CSMD1: variants seen among roughly 807,000 people sequenced by gnomAD.
CSMD1 encodes CUB and sushi domain-containing protein 1.
In CSMD1, 213 loss-of-function variants were observed where a neutral mutation model predicts 417.5. The ratio of observed to expected loss-of-function variants is 0.51; its 90% CI spans 0.46 to 0.57. The LOEUF is 0.57. Among genes scored for constraint, CSMD1 ranks in the 20% least tolerant of loss-of-function variants. The probability of loss-of-function intolerance (pLI) is 0.00; values close to 1 mark genes in which losing one functional copy is unlikely to be tolerated. For synonymous variants in CSMD1, 2,862 were observed against 1,736.8 expected (o/e 1.65, Z -16.11); for missense variants, 6,923 against 4,529.7 (o/e 1.53, Z -15.17).
chr8:3,663,073 C>G (rs922128009), intron 7 of CSMD1, among the ~76,000 whole-genome samples: 62 of 152,182 alleles, frequency 4.1e-4, no homozygotes, highest in Middle Eastern at 3.4e-3. Flanking sequence ...CAGATGTCAG[C>G]AAAATCAGAG....
At chr8:4,904,569 T>C (rs994178709) in intron 1 of CSMD1, among the ~76,000 whole-genome samples, 1 of 152,042 alleles carries the variant, frequency 6.6e-6, no homozygotes, top group African/African-American at 2.4e-5. Flanking sequence ...CAGAATATCA[T>C]TAAACACATA....
intron 2 of CSMD1, among the ~76,000 whole-genome samples, chr8:4,596,491 A>T (rs1354253136): frequency 6.6e-6 from 1 of 152,184 alleles, no homozygotes; most frequent in East Asian, 1.9e-4. Context: ...TTAAAATTTT[A>T]TGTATAACAC....
At chr8:4,076,667 C>T (rs536057718) in intron 3 of CSMD1, among the ~76,000 whole-genome samples, 7 of 152,282 alleles carry the variant, frequency 4.6e-5, no homozygotes, top group African/African-American at 1.7e-4. Flanking sequence ...CCTTATGCAT[C>T]GTGCTCCAAA....
At chr8:3,653,521 C>T (rs1007330295) in intron 7 of CSMD1, among the ~76,000 whole-genome samples, 30 of 152,132 alleles carry the variant, frequency 2.0e-4, no homozygotes, top group African/African-American at 4.8e-5. Flanking sequence ...GTTGGCCAAG[C>T]TGGTCTCGAA....
At chr8:4,906,074 C>T (rs1805253374) in intron 1 of CSMD1, among the ~76,000 whole-genome samples, 1 of 152,082 alleles carries the variant, frequency 6.6e-6, no homozygotes, top group South Asian at 2.1e-4. Context: ...GACCCTCTCA[C>T]CTCTGGAGCT....
In CSMD1 at chr8:3,938,723, A is replaced by G. The variant is rs3102417; in HGVS notation, c.818+59180T>C. On this transcript the variant is annotated intron_variant, in intron 5 of 69. Transcript: ENST00000635120. ...TACAACAATTATAGACCCAAACATA[A>G]GTTGTTTTCCTCATCTCAGCAATCT... Among the ~76,000 whole-genome samples, 822 of 152,280 alleles carry G rather than the reference A, an allele frequency of 5.4e-3. 6 individuals carry two copies. Among genetic ancestry groups the G allele is most frequent in the African/African-American group, 0.019 (784 of 41,574 alleles).
intron 1 of CSMD1, among the ~76,000 whole-genome samples, chr8:4,990,149 A>T (rs1811385007): frequency 6.6e-6 from 1 of 152,188 alleles, no homozygotes; most frequent in South Asian, 2.1e-4. Flanking sequence ...ATGAGACCTC[A>T]TTGCCCTACC....
intron 1 of CSMD1, among the ~76,000 whole-genome samples, chr8:4,973,001 C>T (rs1381320001): frequency 6.6e-6 from 1 of 151,896 alleles, no homozygotes. Context: ...TGATTTGATC[C>T]CATCGTTTTA....
intron 50 of CSMD1, among the ~76,000 whole-genome samples, chr8:3,037,820 T>C (rs957361545): frequency 3.9e-5 from 6 of 152,184 alleles, no homozygotes; most frequent in African/African-American, 1.4e-4. Flanking sequence ...ACTAGCTTTT[T>C]AGAAACATTA....
chr8:4,268,157 T>A (rs1036600149), intron 3 of CSMD1, among the ~76,000 whole-genome samples: 2 of 152,156 alleles, frequency 1.3e-5, no homozygotes, highest in South Asian at 2.1e-4. Flanking sequence ...AAATGTATTT[T>A]CACAACAACT....
chr8:3,616,455 T>C (rs1312892599), intron 8 of CSMD1, among the ~76,000 whole-genome samples: 2 of 152,182 alleles, frequency 1.3e-5, no homozygotes, highest in Non-Finnish European at 2.9e-5. Context: ...TTAAACGTCT[T>C]TCCTTTATAA....
At chr8:3,335,675 C>T (rs970526625) in intron 23 of CSMD1, among the ~76,000 whole-genome samples, 1 of 152,018 alleles carries the variant, frequency 6.6e-6, no homozygotes, top group Non-Finnish European at 1.5e-5. Context: ...GACTCCGACT[C>T]AAGAAAATAA....
intron 5 of CSMD1, among the ~76,000 whole-genome samples, chr8:3,961,571 A>G (rs1812325908): frequency 6.6e-6 from 1 of 152,222 alleles, no homozygotes; most frequent in African/African-American, 2.4e-5. Flanking sequence ...CACTAAAGGT[A>G]TCTATAAAAA....
At chr8:4,943,804 G>T (rs1025609250) in intron 1 of CSMD1, among the ~76,000 whole-genome samples, 1 of 152,094 alleles carries the variant, frequency 6.6e-6, no homozygotes, top group African/African-American at 2.4e-5. Flanking sequence ...AATCCCTTAT[G>T]AACGAAGATT....
chr8:3,639,684 C>G (rs1698049516), intron 7 of CSMD1, among the ~76,000 whole-genome samples: 1 of 152,178 alleles, frequency 6.6e-6, no homozygotes, highest in Non-Finnish European at 1.5e-5. Context: ...TATGTAAACC[C>G]TAAGGCACTA....
intron 4 of CSMD1, among the ~76,000 whole-genome samples, chr8:4,012,970 G>C (rs991118801): frequency 2.0e-5 from 3 of 152,066 alleles, no homozygotes; most frequent in African/African-American, 7.2e-5. Context: ...CTCTGCTCCT[G>C]TCATCTCTCA....
chr8:3,862,095 T>C (rs190817141), intron 5 of CSMD1, among the ~76,000 whole-genome samples: 12 of 152,278 alleles, frequency 7.9e-5, no homozygotes, highest in African/African-American at 2.9e-4. Flanking sequence ...TCAGTGAAAA[T>C]ACACTATCAT....
intron 23 of CSMD1, among the ~76,000 whole-genome samples, chr8:3,310,178 T>G (rs2062793): frequency 0.29 from 43,647 of 152,170 alleles, 7,298 homozygotes; most frequent in South Asian, 0.46. Flanking sequence ...TTGATGACCT[T>G]CATCTCACTG....
At chr8:4,586,897 C>T (rs1352761049) in intron 2 of CSMD1, among the ~76,000 whole-genome samples, 1 of 152,146 alleles carries the variant, frequency 6.6e-6, no homozygotes, top group Non-Finnish European at 1.5e-5. Flanking sequence ...GATAAGAGTG[C>T]TTAACTTTGT....
Sources: allele counts gnomAD v4.1 joint callset (sites outside exome capture counted in the v4.1 genomes callset), GRCh38; gene constraint gnomAD v4.1.1; transcripts MANE v1.5; gene names NCBI Gene and HGNC (gene_info 2026-07-23, HGNC 2026-07-21).